C7: variants seen among roughly 807,000 people sequenced by gnomAD.
C7 encodes complement C7.
C7 carries 83 observed loss-of-function variants against 104.8 expected under a neutral mutation model. That is an observed-to-expected ratio of 0.79 (90% confidence interval 0.66 to 0.95). C7 has a LOEUF of 0.95. C7 is among the 40% of genes least tolerant of loss of function. The pLI is 0.00. For missense variants in C7, 1,070 were observed against 1,011.2 expected (o/e 1.06, Z -0.79); for synonymous variants, 415 against 360.6 (o/e 1.15, Z -1.71).
At chr5:40,977,103 G>A (rs1413441002) in intron 16 of C7, among the ~76,000 whole-genome samples, 1 of 152,168 alleles carries the variant, frequency 6.6e-6, no homozygotes, top group Non-Finnish European at 1.5e-5. Context: ...ATATAAAATG[G>A]AGCAAAATGG....
intron 8 of C7, among the ~76,000 whole-genome samples, chr5:40,949,421 G>T (rs1402642223): frequency 6.6e-6 from 1 of 151,476 alleles, no homozygotes; most frequent in Non-Finnish European, 1.5e-5. Context: ...ACATTCTAAG[G>T]GTATAAGTCA....
chr5:40,941,878 A>G (rs114992841), intron 6 of C7, among the ~76,000 whole-genome samples: 1,581 of 152,344 alleles, frequency 0.01, 28 homozygotes, highest in African/African-American at 0.037. Flanking sequence ...TATTGGTATA[A>G]GAATGGTAAT....
At chr5:40,947,479 A>T in intron 7 of C7, 123 bp from the exon 8 acceptor site, 4 of 1,096,998 alleles carry the variant, frequency 3.6e-6, no homozygotes, top group Non-Finnish European at 2.7e-6. Flanking sequence ...CGTCAAAAAT[A>T]AAAATTCTTG....
chr5:40,978,325 T>C (rs897600515), intron 16 of C7, among the ~76,000 whole-genome samples: 1 of 152,190 alleles, frequency 6.6e-6, no homozygotes, highest in African/African-American at 2.4e-5. Context: ...TCAGCCTAGA[T>C]ACATTCTCAT....
chr5:40,947,379 C>G (rs1009065817), intron 7 of C7, among the ~76,000 whole-genome samples: 8 of 152,086 alleles, frequency 5.3e-5, no homozygotes, highest in East Asian at 1.9e-4. Context: ...AGCCACCTTG[C>G]CTGGCCATTA....
At chr5:40,948,533 A>G (rs982170747) in intron 8 of C7, among the ~76,000 whole-genome samples, 1 of 152,124 alleles carries the variant, frequency 6.6e-6, no homozygotes, top group Non-Finnish European at 1.5e-5. Flanking sequence ...TCCTTATGCT[A>G]TGTCACTGCT....
intron 14 of C7, among the ~76,000 whole-genome samples, chr5:40,968,984 T>A (rs1740631742): frequency 6.6e-6 from 1 of 152,042 alleles, no homozygotes; most frequent in African/African-American, 2.4e-5. Flanking sequence ...ATAACTTCAT[T>A]TTTAGAGCAG....
intron 17 of C7, 86 bp downstream of exon 17, chr5:40,979,995 T>A: frequency 5.0e-6 from 6 of 1,202,898 alleles, no homozygotes; most frequent in Non-Finnish European, 6.8e-6. Context: ...AGTTTAGCAG[T>A]GGGCCGAAGA....
At chr5:40,915,748 T>C (rs1739304624) in intron 1 of C7, among the ~76,000 whole-genome samples, 2 of 152,172 alleles carry the variant, frequency 1.3e-5, no homozygotes, top group African/African-American at 4.8e-5. Flanking sequence ...CTTTCAGATA[T>C]GCTAATCAGC....
At chr5:40,919,864 C>T (rs1739403672) in intron 1 of C7, among the ~76,000 whole-genome samples, 1 of 151,590 alleles carries the variant, frequency 6.6e-6, no homozygotes, top group Non-Finnish European at 1.5e-5. Context: ...ACGTTTATAA[C>T]AATAAATGTC....
At chr5:40,943,561 A>ATT (rs200070748) in intron 6 of C7, among the ~76,000 whole-genome samples, 4 of 144,358 alleles carry the variant, frequency 2.8e-5, no homozygotes, top group Admixed American at 1.4e-4. Context: ...AAATAGGCTA[A>ATT]TTTTTTTTTT....
chr5:40,952,639 C>G (rs925722627), intron 9 of C7, among the ~76,000 whole-genome samples: 1 of 151,892 alleles, frequency 6.6e-6, no homozygotes, highest in Non-Finnish European at 1.5e-5. Flanking sequence ...TGCTATCCCT[C>G]CCCCCTCTCC....
At position 40,964,800 on chromosome 5, in the gene C7, C is replaced by T. The variant is rs753543026; in HGVS notation, c.1809C>T (p.Tyr603=). 1.1e-5 allele frequency: 18 copies of T among 1,613,372 alleles called. No homozygotes were observed. Among genetic ancestry groups the T allele is most frequent in the Non-Finnish European group, 1.4e-5 (16 of 1,179,380 alleles). The part of the protein sequence containing the change: ...KNVVYTCNEG[Y]SLIGNPVARC... ...TAGTGTACACTTGCAATGAAGGATA[C>T]TCTCTTATTGGAAACCCAGTGGCCA... Residue 603 remains tyrosine, a synonymous_variant, in exon 14 of 18, where the codon TAC becomes TAT. Transcript: ENST00000313164.
chr5:40,936,400 G>A lies in C7; in HGVS notation c.343G>A (p.Asp115Asn), dbSNP rs1471511349. 1 of 1,613,078 alleles carries A rather than the reference G, an allele frequency of 6.2e-7. No individual in the cohort carries two copies. Residue 115 changes from aspartate to asparagine, a missense_variant, in exon 5 of 18, where the codon GAT becomes AAT. Coordinates refer to ENST00000313164, the MANE Select transcript of C7 (RefSeq NM_000587.4). ...GDSDCDEDSA[D>N]EDRCEDSERR... ...TTCTGACTGTGATGAAGACAGTGCT[G>A]ATGAAGACAGATGTGAGGACTCAGA... is the stretch of plus-strand genomic sequence containing the variant.
At position 40,955,553 on chromosome 5, in the gene C7, G is replaced by C. The variant is rs764427482; in HGVS notation, c.1260G>C (p.Lys420Asn). The change falls in exon 10 of 18, where the codon AAG becomes AAC. Residue 420 changes from lysine to asparagine, a missense_variant and splice_region_variant. Coordinates refer to ENST00000313164, the MANE Select transcript of C7 (RefSeq NM_000587.4). The stretch of plus-strand genomic sequence containing the variant: ...ATCTTCCTCAAGTCATAAAACAAAA[G>C]GTATGTCAGGCTTTGTTTAAAGCAA... Reference protein sequence around the residue: ...VTNLPQVIKQKLTPLYELVKE... With the variant: ...VTNLPQVIKQNLTPLYELVKE... The C allele has an allele frequency of 1.2e-6, 2 of 1,609,440 alleles. No homozygotes were observed. Among genetic ancestry groups the C allele is most frequent in the Admixed American group, 1.7e-5 (1 of 59,200 alleles).
At chr5:40,927,263 GC>G (rs1312851919) in intron 1 of C7, among the ~76,000 whole-genome samples, 1 of 152,024 alleles carries the variant, frequency 6.6e-6, no homozygotes, top group African/African-American at 2.4e-5. Flanking sequence ...ATGGGATGAA[GC>G]CTTAAGCATA....
chr5:40,936,245 T>C, intron 4 of C7, 93 bp from the exon 5 acceptor site: 1 of 1,021,974 alleles, frequency 9.8e-7, no homozygotes, highest in South Asian at 1.4e-5. Context: ...ATCAGTGCAG[T>C]GTTACAGGTA....
In C7 at chr5:40,949,997, C is replaced by A; in HGVS notation, c.1076C>A (p.Ala359Asp). ...CATGGATGCAAGGAACTGGAAAACG[C>A]TTTAAAAGCTGCTTCAGGTAAATGG... is the stretch of plus-strand genomic sequence containing the variant. ...SSHGCKELEN[A>D]LKAASGTQNN... is the part of the protein sequence containing the mutation. Residue 359 changes from alanine (A) to aspartate (D), a missense_variant, in exon 9 of 18, where the codon GCT (alanine) becomes GAT (aspartate). Coordinates refer to ENST00000313164, the MANE Select transcript of C7 (RefSeq NM_000587.4). 6.3e-7 allele frequency: 1 copy of A among 1,588,366 alleles called. No individual in the cohort carries two copies. The highest frequency in any genetic ancestry group is 8.6e-7 in the Non-Finnish European group (1 of 1,165,450).
At chr5:40,941,736 C>T (rs1739941084) in intron 6 of C7, among the ~76,000 whole-genome samples, 1 of 152,082 alleles carries the variant, frequency 6.6e-6, no homozygotes. Context: ...GACCAATGGC[C>T]AGATGAAAAT....
Sources: allele counts gnomAD v4.1 joint callset (sites outside exome capture counted in the v4.1 genomes callset), GRCh38; gene constraint gnomAD v4.1.1; transcripts MANE v1.5; gene names NCBI Gene and HGNC (gene_info 2026-07-23, HGNC 2026-07-21).